Variants in ACYP2 observed in about 807,000 individuals in gnomAD.
ACYP2 encodes the protein acylphosphatase 2.
ACYP2 carries 12 observed loss-of-function variants against 11.2 expected under a neutral mutation model. That is an observed-to-expected ratio of 1.08 (90% CI 0.69 to 1.74). ACYP2 has a LOEUF of 1.74. ACYP2 is among the 40% of genes most tolerant of loss of function. The probability of loss-of-function intolerance (pLI) is 0.00; values close to 1 mark genes in which losing one functional copy is unlikely to be tolerated. For missense variants in ACYP2, 134 were observed against 101.9 expected (o/e 1.31, Z -1.35); for synonymous variants, 43 against 32.2 (o/e 1.33, Z -1.13).
intron 2 of ACYP2, among the ~76,000 whole-genome samples, chr2:54,009,815 T>C (rs188539263): frequency 7.9e-4 from 120 of 152,308 alleles, no homozygotes; most frequent in Non-Finnish European, 1.6e-3. Flanking sequence ...ACACTTATCA[T>C]GTACTTAATT....
At chr2:54,037,668 A>G (rs1674983668) in intron 2 of ACYP2, among the ~76,000 whole-genome samples, 1 of 152,176 alleles carries the variant, frequency 6.6e-6, no homozygotes, top group Non-Finnish European at 1.5e-5. Flanking sequence ...TCACCCTCCC[A>G]AAGTGCTGGG....
chr2:54,263,013 G>T (rs754281620), intron 6 of ACYP2, among the ~76,000 whole-genome samples: 3 of 152,142 alleles, frequency 2.0e-5, no homozygotes, highest in Non-Finnish European at 4.4e-5. Context: ...TGAGGCTGGA[G>T]TTTGTGTCCA....
At chr2:54,012,110 C>T (rs1673406959) in intron 2 of ACYP2, among the ~76,000 whole-genome samples, 1 of 151,992 alleles carries the variant, frequency 6.6e-6, no homozygotes, top group African/African-American at 2.4e-5. Flanking sequence ...GTGGCGTGTG[C>T]CTGTAGTCCC....
chr2:53,987,832 C>T (rs974299826), intron 2 of ACYP2, among the ~76,000 whole-genome samples: 1 of 151,858 alleles, frequency 6.6e-6, no homozygotes, highest in Non-Finnish European at 1.5e-5. Flanking sequence ...AATTGGATTG[C>T]TTGTGGGTTT....
chr2:54,045,245 G>A (rs760270779), intron 2 of ACYP2, among the ~76,000 whole-genome samples: 7 of 151,920 alleles, frequency 4.6e-5, no homozygotes, highest in Admixed American at 2.0e-4. Flanking sequence ...CCAGGTCCTC[G>A]CCCTCCACGA....
intron 6 of ACYP2, among the ~76,000 whole-genome samples, chr2:54,283,314 A>C (rs530666353): frequency 6.6e-6 from 1 of 152,314 alleles, no homozygotes; most frequent in Admixed American, 6.5e-5. Context: ...TCATTGAACA[A>C]GCAATTCATT....
chr2:54,072,296 C>T (rs938371743), intron 4 of ACYP2, among the ~76,000 whole-genome samples: 1 of 151,896 alleles, frequency 6.6e-6, no homozygotes, highest in African/African-American at 2.4e-5. Context: ...ATCCTAGCTG[C>T]CTTATTTTAT....
intron 6 of ACYP2, among the ~76,000 whole-genome samples, chr2:54,215,093 T>C (rs944448992): frequency 2.6e-5 from 4 of 152,198 alleles, no homozygotes; most frequent in Non-Finnish European, 5.9e-5. Flanking sequence ...TTTTTGTATA[T>C]TGATTTTGTA....
At chr2:54,046,232 T>C (rs926862576) in intron 2 of ACYP2, among the ~76,000 whole-genome samples, 4 of 150,632 alleles carry the variant, frequency 2.7e-5, no homozygotes, top group African/African-American at 7.3e-5. Flanking sequence ...TCCCAGCAAT[T>C]TGGGGGGAGG....
At chr2:54,135,008 C>T (rs1681138852) in intron 4 of ACYP2, among the ~76,000 whole-genome samples, 1 of 152,230 alleles carries the variant, frequency 6.6e-6, no homozygotes, top group Non-Finnish European at 1.5e-5. Context: ...CGAGAACTTT[C>T]ACCTTTTCAC....
At chr2:54,275,644 C>T (rs961208489) in intron 6 of ACYP2, among the ~76,000 whole-genome samples, 9 of 152,158 alleles carry the variant, frequency 5.9e-5, no homozygotes, top group African/African-American at 1.9e-4. Context: ...TGATAGCTAT[C>T]AGTGTGAATC....
chr2:54,227,117 A>G (rs1686040063), intron 6 of ACYP2, among the ~76,000 whole-genome samples: 1 of 152,168 alleles, frequency 6.6e-6, no homozygotes, highest in African/African-American at 2.4e-5. Context: ...CAGGGTTCCA[A>G]ATTGGGCCAT....
chr2:54,188,063 C>A (rs573310828), intron 6 of ACYP2, among the ~76,000 whole-genome samples: 1 of 152,190 alleles, frequency 6.6e-6, no homozygotes, highest in Non-Finnish European at 1.5e-5. Flanking sequence ...GACTTCGCAG[C>A]CTCCAGAACT....
chr2:54,101,734 C>T (rs989332058), intron 4 of ACYP2, among the ~76,000 whole-genome samples: 1 of 149,188 alleles, frequency 6.7e-6, no homozygotes, highest in African/African-American at 2.5e-5. Flanking sequence ...TTCCTTCTTT[C>T]TTTCTTTCCT....
At chr2:54,056,153 A>C (rs1056590988) in intron 3 of ACYP2, among the ~76,000 whole-genome samples, 46 of 152,224 alleles carry the variant, frequency 3.0e-4, no homozygotes, top group African/African-American at 1.1e-3. Context: ...GTTGTCTTCC[A>C]CCAGCTTGAG....
At chr2:54,012,850 C>T (rs542033839) in intron 2 of ACYP2, among the ~76,000 whole-genome samples, 5 of 152,218 alleles carry the variant, frequency 3.3e-5, no homozygotes, top group South Asian at 2.1e-4. Context: ...CTTCCCATCT[C>T]GTTCAGAGTG....
At chr2:54,273,013 G>A (rs1688383031) in intron 6 of ACYP2, among the ~76,000 whole-genome samples, 1 of 152,158 alleles carries the variant, frequency 6.6e-6, no homozygotes, top group Admixed American at 6.5e-5. Context: ...AAGAATTGGG[G>A]TTAGGAAAGC....
intron 4 of ACYP2, among the ~76,000 whole-genome samples, chr2:54,087,489 T>C (rs1253816329): frequency 6.6e-6 from 1 of 152,108 alleles, no homozygotes; most frequent in East Asian, 1.9e-4. Context: ...GCTAGGATTA[T>C]AGACATGTGC....
chr2:54,096,287 G>T (rs1338172618), intron 4 of ACYP2, among the ~76,000 whole-genome samples: 4 of 143,666 alleles, frequency 2.8e-5, no homozygotes, highest in Non-Finnish European at 3.0e-5. Flanking sequence ...TGGCCGGGCA[G>T]AGACGCTCCT....
Sources: allele counts gnomAD v4.1 joint callset (sites outside exome capture counted in the v4.1 genomes callset), GRCh38; gene constraint gnomAD v4.1.1; transcripts MANE v1.5; gene names NCBI Gene and HGNC (gene_info 2026-07-23, HGNC 2026-07-21).